GPC6: variants seen among roughly 807,000 people sequenced by gnomAD.
The protein encoded by GPC6 is glypican 6, also known as glypican-6.
A neutral mutation model predicts 55.2 loss-of-function variants in GPC6; 14 were observed. The ratio of observed to expected loss-of-function variants is 0.25; its 90% CI spans 0.17 to 0.40. GPC6 has a LOEUF of 0.40. Among genes scored for constraint, GPC6 ranks in the 10% least tolerant of loss-of-function variants. The probability of loss-of-function intolerance (pLI) is 1.00; values close to 1 mark genes in which losing one functional copy is unlikely to be tolerated. For missense variants in GPC6, 641 were observed against 708.5 expected (o/e 0.90, Z 1.08); for synonymous variants, 278 against 259.6 (o/e 1.07, Z -0.68).
chr13:94,274,898 A>G (rs1039013469), intron 4 of GPC6, among the ~76,000 whole-genome samples: 4 of 152,204 alleles, frequency 2.6e-5, no homozygotes, highest in African/African-American at 9.6e-5. Context: ...GAAACTCTTC[A>G]TCTACATTAT....
chr13:94,288,715 ATATT>A (rs1478206481), intron 5 of GPC6, among the ~76,000 whole-genome samples: 2 of 136,492 alleles, frequency 1.5e-5, no homozygotes, highest in Admixed American at 8.1e-5. Flanking sequence ...TCTATTATAT[ATATT>A]TGTTATATAT....
rs541698258 is a variant in GPC6, at chr13:94,157,420, A to C, written c.878-128929A>C. Among the ~76,000 whole-genome samples, 50 of 152,238 alleles carry C rather than the reference A, an allele frequency of 3.3e-4. No homozygotes were observed. The South Asian group carries it at 6.4e-3, about 20-fold the overall frequency. On this transcript the variant is annotated intron_variant, in intron 4 of 8. Transcript: ENST00000377047. ...GAATCATAGAAACCTTCGTGATAGGAGTCAAAGCCCAGGTGGGCTTGAAAG... is the reference window on the plus strand; with the variant it reads ...GAATCATAGAAACCTTCGTGATAGGCGTCAAAGCCCAGGTGGGCTTGAAAG...
At position 93,501,571 on chromosome 13, in the gene GPC6, A is replaced by G. The variant is rs149691796; in HGVS notation, c.161-43692A>G. Among the ~76,000 whole-genome samples, 394 of 152,288 alleles carry G rather than the reference A, an allele frequency of 2.6e-3. 3 individuals carry two copies. Among genetic ancestry groups the G allele is most frequent in the African/African-American group, 9.1e-3 (380 of 41,590 alleles). ...TTTGCACAACTTTATCCATTCAGAA[A>G]TGTGGGTGTTGAACCACAAAACTGA... On this transcript the variant is annotated intron_variant, in intron 1 of 8. Coordinates refer to ENST00000377047, the MANE Select transcript of GPC6 (RefSeq NM_005708.5).
chr13:94,190,148 C>T (rs1889340328), intron 4 of GPC6, among the ~76,000 whole-genome samples: 1 of 150,936 alleles, frequency 6.6e-6, no homozygotes, highest in South Asian at 2.1e-4. Context: ...TCATGGCCAT[C>T]CCTGTCTTTA....
At chr13:94,069,344 C>A (rs1242707842) in intron 4 of GPC6, among the ~76,000 whole-genome samples, 2 of 152,062 alleles carry the variant, frequency 1.3e-5, no homozygotes, top group Non-Finnish European at 2.9e-5. Context: ...TGGACCTGGC[C>A]CATAAAACCA....
chr13:93,532,412 A>T (rs1881902111), intron 1 of GPC6, among the ~76,000 whole-genome samples: 1 of 152,126 alleles, frequency 6.6e-6, no homozygotes, highest in Non-Finnish European at 1.5e-5. Context: ...TAAAATGTCT[A>T]AAAATTTTAT....
rs571534881 is a variant in GPC6, at chr13:93,697,414, C to A, written c.320-132740C>A. 1.8e-4 allele frequency among the ~76,000 whole-genome samples: 28 copies of A among 152,284 alleles called. 1 individual carries two copies. The highest frequency in any genetic ancestry group is 6.5e-4 in the African/African-American group (27 of 41,568). On this transcript the variant is annotated intron_variant, in intron 2 of 8. Transcript: ENST00000377047. ...CTCACTCCTCTTTGTTACTACTCTG[C>A]TTTATTTTTTGCCATAACATTTACT...
At chr13:93,684,969 A>G (rs1294474007) in intron 2 of GPC6, among the ~76,000 whole-genome samples, 1 of 152,164 alleles carries the variant, frequency 6.6e-6, no homozygotes, top group Admixed American at 6.6e-5. Flanking sequence ...GAATGTCAAA[A>G]TCATTCTTTT....
chr13:93,439,701 A>AAATAAAATAAAATAAAAT (rs1566358111), intron 1 of GPC6, among the ~76,000 whole-genome samples: 18 of 149,566 alleles, frequency 1.2e-4, no homozygotes, highest in African/African-American at 4.5e-4. Flanking sequence ...AAAAAAAATA[A>AAATAAAATAAAATAAAAT]AATAAAATAA....
chr13:93,380,152 G>A lies in GPC6; in HGVS notation c.160+152536G>A, dbSNP rs565739517. Among the ~76,000 whole-genome samples the A allele has an allele frequency of 9.9e-5, 15 of 152,100 alleles. 1 individual carries two copies. Among genetic ancestry groups the A allele is most frequent in the African/African-American group, 3.1e-4 (13 of 41,514 alleles). ...CTTATCAAGATTAAAAGTTACTGAT[G>A]AGAAAAATGGAAAAATATATAGTAA... On this transcript the variant is annotated intron_variant, in intron 1 of 8. Transcript: ENST00000377047.
intron 1 of GPC6, among the ~76,000 whole-genome samples, chr13:93,294,758 T>C (rs536881742): frequency 1.3e-5 from 2 of 152,288 alleles, no homozygotes; most frequent in East Asian, 3.9e-4. Context: ...TTCTATCTAA[T>C]GTAACTATGA....
intron 4 of GPC6, among the ~76,000 whole-genome samples, chr13:94,261,756 C>T (rs1211247632): frequency 1.3e-5 from 2 of 152,176 alleles, no homozygotes; most frequent in African/African-American, 2.4e-5. Flanking sequence ...AAGTCAGTAG[C>T]GTCCAGTGTG....
At chr13:93,789,509 C>A (rs1977507) in intron 2 of GPC6, among the ~76,000 whole-genome samples, 9,690 of 93,250 alleles carry the variant, frequency 0.1, 557 homozygotes, top group East Asian at 0.25. Context: ...CTCTCTCTCT[C>A]TATATATATA....
At chr13:94,180,240 T>C (rs1007464446) in intron 4 of GPC6, among the ~76,000 whole-genome samples, 2 of 152,148 alleles carry the variant, frequency 1.3e-5, no homozygotes, top group African/African-American at 4.8e-5. Flanking sequence ...TTGGAAGTAG[T>C]TCTTAGTTCC....
intron 1 of GPC6, among the ~76,000 whole-genome samples, chr13:93,273,865 G>A (rs1316928921): frequency 6.6e-6 from 1 of 151,688 alleles, no homozygotes; most frequent in Non-Finnish European, 1.5e-5. Context: ...CTGGAGTGTG[G>A]TGGTGCGATC....
intron 4 of GPC6, among the ~76,000 whole-genome samples, chr13:94,178,191 G>T (rs527445144): frequency 6.6e-6 from 1 of 151,900 alleles, no homozygotes; most frequent in Non-Finnish European, 1.5e-5. Flanking sequence ...TAGAAATGGG[G>T]TTTCACTATG....
chr13:93,499,559 G>C (rs188552068), intron 1 of GPC6, among the ~76,000 whole-genome samples: 1 of 152,136 alleles, frequency 6.6e-6, no homozygotes, highest in South Asian at 2.1e-4. Flanking sequence ...CATAGAATAG[G>C]CAATGGCATG....
rs1244236683 is a variant in GPC6 at position 94,398,588 on chromosome 13, C to T, written c.1412C>T (p.Thr471Ile). The T allele has an allele frequency of 1.9e-6, 3 of 1,614,052 alleles. No individual in the cohort carries two copies. The highest frequency in any genetic ancestry group is 2.2e-5 in the East Asian group (1 of 44,886). The change falls in exon 8 of 9, where the codon ACC (threonine) becomes ATC (isoleucine). Residue 471 changes from threonine (T) to isoleucine (I), a missense_variant. Thr to Ile is a moderately conservative substitution (Grantham distance 89). Coordinates refer to ENST00000377047, the MANE Select transcript of GPC6 (RefSeq NM_005708.5). ...RQQIMALRVM[T>I]NKLKNAYNGN... ...CAGATTATGGCTCTCCGTGTGATGA[C>T]CAACAAACTAAAAAACGCCTACAAT... is the stretch of plus-strand genomic sequence containing the variant.
At chr13:94,072,508 C>T (rs1884771685) in intron 4 of GPC6, among the ~76,000 whole-genome samples, 1 of 152,114 alleles carries the variant, frequency 6.6e-6, no homozygotes, top group Middle Eastern at 3.2e-3. Flanking sequence ...CACGTGCTGC[C>T]ACGTCCGGCT....
Sources: allele counts gnomAD v4.1 joint callset (sites outside exome capture counted in the v4.1 genomes callset), GRCh38; gene constraint gnomAD v4.1.1; transcripts MANE v1.5; gene names NCBI Gene and HGNC (gene_info 2026-07-23, HGNC 2026-07-21).